Variants in ANK3 observed in about 807,000 individuals in gnomAD.
The protein encoded by ANK3 is ankyrin 3.
A neutral mutation model predicts 370.9 loss-of-function variants in ANK3; 57 were observed. The observed-to-expected ratio is 0.15, with a 90% CI of 0.12 to 0.19. The LOEUF (loss-of-function observed/expected upper bound fraction) is 0.19, where lower values mean the gene tolerates loss of function less well. ANK3 is among the 10% of genes least tolerant of loss of function. The probability of loss-of-function intolerance (pLI) is 1.00; values close to 1 mark genes in which losing one functional copy is unlikely to be tolerated. For synonymous variants in ANK3, 1,929 were observed against 1,946.3 expected, an observed-to-expected ratio of 0.99 and a Z score of 0.23; for missense variants, 4,439 against 5,302.1, an observed-to-expected ratio of 0.84 and a Z score of 5.06.
chr10:60,711,578 G>A (rs1275768629), intron 1 of ANK3, among the ~76,000 whole-genome samples: 1 of 151,918 alleles, frequency 6.6e-6, no homozygotes, highest in Non-Finnish European at 1.5e-5. Context: ...TTCAAAAAGT[G>A]TGAGACAACT....
In ANK3 at chr10:60,139,087, C is replaced by T. The variant is rs2094462735; in HGVS notation, c.2615G>A (p.Gly872Asp). ...TGTGTCCCCGGTCATTGCATCTTCA[C>T]CTGCAGATGTAGAGAGTAAGCCCAC... ...DGEYISDVEEGEDAMTGDTDK... is the reference protein window; with the variant it reads ...DGEYISDVEEDEDAMTGDTDK... The change falls in exon 24 of 44, where the codon GGT becomes GAT. Residue 872 changes from glycine (G) to aspartate (D), a missense_variant and splice_region_variant. Coordinates refer to ENST00000280772, the MANE Select transcript of ANK3 (RefSeq NM_020987.5). 1 of 1,613,374 alleles carries T rather than the reference C, an allele frequency of 6.2e-7. No individual in the cohort carries two copies. The highest frequency in any genetic ancestry group is 8.5e-7 in the Non-Finnish European group (1 of 1,179,662).
intron 23 of ANK3, among the ~76,000 whole-genome samples, chr10:60,150,678 G>C (rs887277377): frequency 2.0e-5 from 3 of 152,064 alleles, no homozygotes; most frequent in African/African-American, 7.2e-5. Flanking sequence ...TGGTTAAAGA[G>C]ACTGCCACCT....
chr10:60,639,521 A>G (rs2078600682), intron 1 of ANK3, among the ~76,000 whole-genome samples: 1 of 151,678 alleles, frequency 6.6e-6, no homozygotes, highest in African/African-American at 2.4e-5. Context: ...ACAATTACAT[A>G]TTATGGTGTT....
intron 2 of ANK3, among the ~76,000 whole-genome samples, chr10:60,455,166 C>A (rs1215193541): frequency 6.6e-6 from 1 of 152,102 alleles, no homozygotes; most frequent in Non-Finnish European, 1.5e-5. Flanking sequence ...AATCTCACTA[C>A]CAAATTTACC....
intron 2 of ANK3, among the ~76,000 whole-genome samples, chr10:60,453,728 GCACACACACACAGACAGA>G (rs2064670822): frequency 6.6e-6 from 1 of 151,446 alleles, no homozygotes; most frequent in African/African-American, 2.4e-5. Flanking sequence ...AAACACACAG[GCACACACACACAGACAGA>G]CACACACACA....
chr10:60,119,696 C>T (rs1195703461), intron 25 of ANK3, among the ~76,000 whole-genome samples: 2 of 152,140 alleles, frequency 1.3e-5, no homozygotes, highest in African/African-American at 2.4e-5. Flanking sequence ...CGCTTGAACC[C>T]GGGGTACAGA....
intron 1 of ANK3, among the ~76,000 whole-genome samples, chr10:60,344,423 G>A (rs1267204136): frequency 6.6e-6 from 1 of 152,124 alleles, no homozygotes; most frequent in African/African-American, 2.4e-5. Flanking sequence ...AAGATGCTAT[G>A]GGAGTGCCTA....
At chr10:60,180,504 G>A (rs1250868158) in intron 18 of ANK3, among the ~76,000 whole-genome samples, 2 of 145,262 alleles carry the variant, frequency 1.4e-5, no homozygotes, top group Non-Finnish European at 3.0e-5. Flanking sequence ...GCTGAGGCAG[G>A]AGAATTGCTT....
At chr10:60,603,882 A>T (rs2078097142) in intron 2 of ANK3, among the ~76,000 whole-genome samples, 1 of 152,092 alleles carries the variant, frequency 6.6e-6, no homozygotes, top group East Asian at 1.9e-4. Flanking sequence ...TCTGAGGCAC[A>T]CTCCTCAGTC....
intron 18 of ANK3, among the ~76,000 whole-genome samples, chr10:60,176,070 C>T (rs181547984): frequency 6.6e-5 from 10 of 151,462 alleles, no homozygotes; most frequent in Admixed American, 3.3e-4. Context: ...TGGTGGCTCA[C>T]GCCTGTACTC....
intron 7 of ANK3, among the ~76,000 whole-genome samples, chr10:60,250,426 A>G (rs574096775): frequency 1.6e-4 from 24 of 152,194 alleles, no homozygotes; most frequent in Non-Finnish European, 2.9e-4. Flanking sequence ...GTGCAGTGGC[A>G]CAATCTCGGC....
chr10:60,182,189 A>G (rs1206157354), intron 17 of ANK3, among the ~76,000 whole-genome samples: 2 of 152,110 alleles, frequency 1.3e-5, no homozygotes, highest in Non-Finnish European at 2.9e-5. Context: ...ACACTGACAT[A>G]TGCTGATAAT....
intron 1 of ANK3, among the ~76,000 whole-genome samples, chr10:60,304,909 G>A (rs1486201446): frequency 1.3e-5 from 2 of 152,074 alleles, no homozygotes; most frequent in African/African-American, 4.8e-5. Context: ...GCTTTAGCAG[G>A]GAGGCCTGGA....
At chr10:60,158,677 C>CTTTTTTTTT (rs1555028623) in intron 23 of ANK3, among the ~76,000 whole-genome samples, 2 of 49,280 alleles carry the variant, frequency 4.1e-5, no homozygotes, top group African/African-American at 1.3e-4. Flanking sequence ...AGAGAAAGCA[C>CTTTTTTTTT]TTTTTTTCTT....
rs529718846 is a variant in ANK3 at position 60,269,558 on chromosome 10, T to C, written c.513+573A>G. 2.9e-3 allele frequency among the ~76,000 whole-genome samples: 435 copies of C among 151,980 alleles called. 3 individuals are homozygous for C. Among genetic ancestry groups the C allele is most frequent in the South Asian group, 0.028 (135 of 4,800 alleles). On this transcript the variant is annotated intron_variant, in intron 5 of 43. Coordinates refer to ENST00000280772, the MANE Select transcript of ANK3 (RefSeq NM_020987.5). ...TACTCGGGAGGCTGAGGCAGGATAA[T>C]TGCTTGAACCCGGGAGGCGGAGGTT...
At chr10:60,546,980 A>T (rs1291749800) in intron 2 of ANK3, among the ~76,000 whole-genome samples, 2 of 152,174 alleles carry the variant, frequency 1.3e-5, no homozygotes, top group African/African-American at 4.8e-5. Context: ...CCAAGATCAC[A>T]CAGCTGGTAA....
chr10:60,225,908 AT>A (rs2097132117), intron 8 of ANK3, among the ~76,000 whole-genome samples: 3 of 149,810 alleles, frequency 2.0e-5, no homozygotes, highest in South Asian at 2.1e-4. Flanking sequence ...TTTTTAGTTA[AT>A]TTTTTTTGGG....
intron 2 of ANK3, among the ~76,000 whole-genome samples, chr10:60,593,910 C>G (rs2077951596): frequency 6.6e-6 from 1 of 152,276 alleles, no homozygotes; most frequent in South Asian, 2.1e-4. Context: ...AAAGCACATA[C>G]TTACACATTA....
Position 60,433,836 on chromosome 10 carries a change from T to C in ANK3, c.97-154197A>G, listed in dbSNP as rs576912369. ...CCAAATTCTGAGTACATATATCAAA[T>C]GCAGCTCGAATGAGTAGTGCTTTCC... On this transcript the variant is annotated intron_variant, in intron 2 of 43. Transcript: ENST00000373827. Among the ~76,000 whole-genome samples the C allele has an allele frequency of 3.3e-5, 5 of 152,336 alleles. No individual in the cohort carries two copies. In the East Asian group the frequency reaches 7.7e-4, roughly 23 times the overall value.
Sources: gnomAD v4.1 joint callset for allele counts (sites outside exome capture counted in the v4.1 genomes callset) on GRCh38, gnomAD v4.1.1 for gene constraint, MANE v1.5 for transcripts, NCBI Gene and HGNC (gene_info 2026-07-23, HGNC 2026-07-21) for gene names.